The following FCRL3 variants were observed in gnomAD, a reference collection of about 807,000 sequenced individuals.
FCRL3 encodes Fc receptor-like protein 3.
In FCRL3, 89 loss-of-function variants were observed where a neutral mutation model predicts 75.0. The ratio of observed to expected loss-of-function variants is 1.19; its 90% CI spans 1.00 to 1.42. The LOEUF is 1.42. FCRL3 is among the 40% of genes most tolerant of loss of function. The pLI, the probability that FCRL3 is intolerant of heterozygous loss-of-function variation, is 0.00. For synonymous variants in FCRL3, 376 were observed against 348.5 expected (o/e 1.08, Z -0.88); for missense variants, 946 against 880.0 (o/e 1.07, Z -0.95).
At position 157,696,226 on chromosome 1, in the gene FCRL3, C is replaced by T; in HGVS notation, c.946G>A (p.Gly316Arg). 6.2e-7 allele frequency: 1 copy of T among 1,614,030 alleles called. No homozygotes were observed. Among genetic ancestry groups the T allele is most frequent in the Non-Finnish European group, 8.5e-7 (1 of 1,180,024 alleles). Residue 316 changes from glycine (G) to arginine (R), a missense_variant, in exon 7 of 15, where the codon GGG becomes AGG. Transcript: ENST00000368184. ...TTGTGCCAGGAGAATGTGACAGTCCCTGAACCCTGGGCTACTGAGCAAATA... is the reference window on the plus strand; with the variant it reads ...TTGTGCCAGGAGAATGTGACAGTCCTTGAACCCTGGGCTACTGAGCAAATA... ...VLICSVAQGS[G>R]TVTFSWHKEG...
chr1:157,677,642 T>C lies in FCRL3; in HGVS notation c.*1068A>G. 1 of 970,040 alleles carries C rather than the reference T, an allele frequency of 1.0e-6. No individual in the cohort carries two copies. The highest frequency in any genetic ancestry group is 1.2e-6 in the Non-Finnish European group (1 of 816,158). The allele number at this position is 970,040 out of a possible 1,614,324, so 60.1% of individuals were successfully genotyped here. On this transcript the variant is annotated 3_prime_UTR_variant, in exon 15 of 15. Transcript: ENST00000368184. ...AAGCCAGATATTTTACACAAGTAAA[T>C]ACTAAACAGCAATAAAAACAAATGA...
chr1:157,684,399 G>A (rs1222599728), intron 10 of FCRL3, among the ~76,000 whole-genome samples: 1 of 152,156 alleles, frequency 6.6e-6, no homozygotes, highest in Non-Finnish European at 1.5e-5. Flanking sequence ...CAGGGAGTGG[G>A]ACTCCTGAGT....
Position 157,696,028 on chromosome 1 carries a change from A to G in FCRL3, c.1132+12T>C, listed in dbSNP as rs1655875440. 1 of 1,600,380 alleles carries G rather than the reference A, an allele frequency of 6.2e-7. No homozygotes were observed. The highest frequency in any genetic ancestry group is 8.5e-7 in the Non-Finnish European group (1 of 1,173,318). On this transcript the variant is annotated intron_variant, in intron 7 of 14. Coordinates refer to ENST00000368184, the MANE Select transcript of FCRL3 (RefSeq NM_052939.4). Reference sequence around the variant, plus strand: ...TGCAACTCGAGGCTGTGTGAAAGGAATCGGAACTTACTTCTCACGGTGACT... The same window carrying G: ...TGCAACTCGAGGCTGTGTGAAAGGAGTCGGAACTTACTTCTCACGGTGACT...
chr1:157,683,941 A>G (rs1413487909), intron 10 of FCRL3, among the ~76,000 whole-genome samples: 8 of 152,132 alleles, frequency 5.3e-5, no homozygotes, highest in South Asian at 2.1e-4. Context: ...ATTTATTTCT[A>G]TTTGCCTCTA....
In FCRL3 at chr1:157,678,400, T is replaced by C; in HGVS notation, c.*310A>G. 8.4e-7 allele frequency: 1 copy of C among 1,194,884 alleles called. No individual in the cohort carries two copies. Among genetic ancestry groups the C allele is most frequent in the Non-Finnish European group, 1.0e-6 (1 of 956,954 alleles). 74.0% of individuals were successfully genotyped at this position (1,194,884 alleles called of 1,614,324 possible). On this transcript the variant is annotated 3_prime_UTR_variant, in exon 15 of 15. Coordinates refer to ENST00000368184, the MANE Select transcript of FCRL3 (RefSeq NM_052939.4). ...GATCAAATGGTCATGATTGTGCCCT[T>C]GTAACCCTGGCTAGACCATTTCTCT... is the stretch of plus-strand genomic sequence containing the variant.
rs772208010 is a variant in FCRL3, at chr1:157,690,458, T to A, written c.1487A>T (p.His496Leu). 2 of 1,614,156 alleles carry A rather than the reference T, an allele frequency of 1.2e-6. No individual in the cohort carries two copies. The highest frequency in any genetic ancestry group is 1.7e-6 in the Non-Finnish European group (2 of 1,180,034). ...GAAGGAGCCTCTCAGGGACTCACAG[T>A]GAAGCTCCAGCAGGTCCCCCACCAC... ...QAVVGDLLEL[H>L]CESLRGSFPI... The change falls in exon 9 of 15, where the codon CAC (histidine) becomes CTC (leucine). Residue 496 changes from histidine (H) to leucine (L), a missense_variant. Transcript: ENST00000368184.
chr1:157,685,791 G>T (rs945066882), intron 10 of FCRL3, among the ~76,000 whole-genome samples: 1 of 151,930 alleles, frequency 6.6e-6, no homozygotes, highest in Non-Finnish European at 1.5e-5. Context: ...TAAATATCAA[G>T]AAGATCTCTC....
chr1:157,691,254 G>A (rs1434108224), intron 8 of FCRL3, among the ~76,000 whole-genome samples: 1 of 152,172 alleles, frequency 6.6e-6, no homozygotes, highest in East Asian at 1.9e-4. Flanking sequence ...AACAATTAAA[G>A]AAATGGCATA....
rs916154282 is a variant in FCRL3, at chr1:157,677,068, C to T, written c.*1642G>A. 3.1e-5 allele frequency: 36 copies of T among 1,167,888 alleles called. No individual in the cohort carries two copies. The highest frequency in any genetic ancestry group is 2.8e-4 in the African/African-American group (18 of 63,368). The allele number at this position is 1,167,888 out of a possible 1,614,324, so 72.3% of individuals were successfully genotyped here. ...ACTGGCAGAGATCAGCATCTCAGTA[C>T]GGGCAGGACATCATGCCCTGCACTC... On this transcript the variant is annotated 3_prime_UTR_variant, in exon 15 of 15. Transcript: ENST00000368184.
intron 13 of FCRL3, among the ~76,000 whole-genome samples, chr1:157,679,515 G>A (rs1218610860): frequency 3.9e-5 from 6 of 152,098 alleles, no homozygotes; most frequent in Non-Finnish European, 8.8e-5. Context: ...TAGTGTGTGT[G>A]TATGTTTTCT....
rs556331887 is a variant in FCRL3, at chr1:157,678,478, G to A, written c.*232C>T. 21 of 1,376,250 alleles carry A rather than the reference G, an allele frequency of 1.5e-5. No individual in the cohort carries two copies. The East Asian group carries it at 3.1e-4, about 20-fold the overall frequency. The allele number at this position is 1,376,250 out of a possible 1,614,324, so 85.3% of individuals were successfully genotyped here. Reference sequence around the variant, plus strand: ...GCTGAGGGCCCTCCTGCCTTGCCACGTGTCTCCACTGTGAAAATAACACAG... The same window carrying A: ...GCTGAGGGCCCTCCTGCCTTGCCACATGTCTCCACTGTGAAAATAACACAG... On this transcript the variant is annotated 3_prime_UTR_variant, in exon 15 of 15. Transcript: ENST00000368184.
intron 2 of FCRL3, among the ~76,000 whole-genome samples, chr1:157,700,114 C>A (rs559552925): frequency 1.3e-5 from 2 of 152,154 alleles, no homozygotes; most frequent in African/African-American, 4.8e-5. Flanking sequence ...CCTTCCTTCA[C>A]GTGCCTAGGT....
At position 157,678,958 on chromosome 1, in the gene FCRL3, A is replaced by T. The variant is rs1471684135; in HGVS notation, c.2042T>A (p.Met681Lys). The change falls in exon 14 of 15, where the codon ATG becomes AAG. Residue 681 changes from methionine (M) to lysine (K), a missense_variant. Transcript: ENST00000368184. Reference sequence around the variant, plus strand: ...GTGACTCACCTCATGCTCTTGATGCATCATTGGACAATTAGCTGTTGGGTA... The same window carrying T: ...GTGACTCACCTCATGCTCTTGATGCTTCATTGGACAATTAGCTGTTGGGTA... The part of the protein sequence containing the change: ...TKENSANCPM[M>K]HQEHEELTVL... The T allele has an allele frequency of 6.2e-7, 1 of 1,614,202 alleles. No homozygotes were observed. The highest frequency in any genetic ancestry group is 8.5e-7 in the Non-Finnish European group (1 of 1,180,018).
intron 11 of FCRL3, 114 bp from the exon 12 acceptor site, chr1:157,681,213 G>A: frequency 1.7e-6 from 1 of 575,888 alleles, no homozygotes; most frequent in Non-Finnish European, 2.8e-6. Context: ...TAAAAATATT[G>A]TGTCTGCTTC....
chr1:157,683,162 C>T (rs537981621), intron 11 of FCRL3, 55 bp downstream of exon 11: 30 of 1,579,142 alleles, frequency 1.9e-5, no homozygotes, highest in Middle Eastern at 1.7e-4. Context: ...AAACAAGTCT[C>T]GTGCATATAA....
At chr1:157,697,475 T>C (rs936417612) in intron 5 of FCRL3, 51 bp from the exon 6 acceptor site, 5 of 1,516,608 alleles carry the variant, frequency 3.3e-6, no homozygotes, top group Non-Finnish European at 1.8e-6. Context: ...TCAGAGTTCC[T>C]AGAGAGATGC....
chr1:157,680,859 A>C (rs1293429231), intron 12 of FCRL3, 89 bp from the exon 13 acceptor site: 1 of 1,468,064 alleles, frequency 6.8e-7, no homozygotes, highest in Non-Finnish European at 9.5e-7. Context: ...ACCAACTTCT[A>C]TTCCCAGTGT....
intron 10 of FCRL3, 107 bp downstream of exon 10, chr1:157,689,691 C>CCTAGTACT (rs1439325749): frequency 6.9e-7 from 1 of 1,439,916 alleles, no homozygotes; most frequent in African/African-American, 1.4e-5. Context: ...GAACTGAGGG[C>CCTAGTACT]CTAGTACTTG....
Position 157,681,110 on chromosome 1 carries a change from G to C in FCRL3, c.1839-11C>G. ...TCACTAGGACTGTGACTGTGACAGA[G>C]GGGGAGAGAATGGATTAAAAAGTAT... On this transcript the variant is annotated splice_polypyrimidine_tract_variant and intron_variant, in intron 11 of 14. Coordinates refer to ENST00000368184, the MANE Select transcript of FCRL3 (RefSeq NM_052939.4). 1 of 1,514,912 alleles carries C rather than the reference G, an allele frequency of 6.6e-7. No homozygotes were observed. Among genetic ancestry groups the C allele is most frequent in the Non-Finnish European group, 8.8e-7 (1 of 1,133,168 alleles). 93.8% of individuals were successfully genotyped at this position (1,514,912 alleles called of 1,614,324 possible).
Sources: gnomAD v4.1 joint callset for allele counts (sites outside exome capture counted in the v4.1 genomes callset) on GRCh38, gnomAD v4.1.1 for gene constraint, MANE v1.5 for transcripts, NCBI Gene and HGNC (gene_info 2026-07-23, HGNC 2026-07-21) for gene names.